IGF2BP1: variants seen among roughly 807,000 people sequenced by gnomAD.
IGF2BP1 encodes insulin like growth factor 2 mRNA binding protein 1.
IGF2BP1 carries 11 observed loss-of-function variants against 74.9 expected under a neutral mutation model. The observed-to-expected ratio is 0.15, with a 90% CI of 0.09 to 0.24. The LOEUF (loss-of-function observed/expected upper bound fraction) is 0.24, where lower values mean the gene tolerates loss of function less well. IGF2BP1 is among the 10% of genes least tolerant of loss of function. The pLI, the probability that IGF2BP1 is intolerant of heterozygous loss-of-function variation, is 1.00. For missense variants in IGF2BP1, 440 were observed against 757.4 expected (o/e 0.58, Z 4.92); for synonymous variants, 287 against 281.8 (o/e 1.02, Z -0.18).
At chr17:49,025,695 A>G in intron 3 of IGF2BP1, 29 bp downstream of exon 3, 1 of 1,595,604 alleles carries the variant, frequency 6.3e-7, no homozygotes, top group Non-Finnish European at 8.6e-7. Context: ...CTCTAAATGG[A>G]GTGGGATAGT....
rs2041454185 is a variant in IGF2BP1, at chr17:48,999,249, C to T, written c.236+80C>T. On this transcript the variant is annotated intron_variant, in intron 2 of 14. Coordinates refer to ENST00000290341, the MANE Select transcript of IGF2BP1 (RefSeq NM_006546.4). ...AGCTGTGTTCAGGGGTCCATAGCGTCTCCAGTGGAAGAAACCCATTACTGG... is the reference window on the plus strand; with the variant it reads ...AGCTGTGTTCAGGGGTCCATAGCGTTTCCAGTGGAAGAAACCCATTACTGG... 3.5e-6 allele frequency: 3 copies of T among 856,768 alleles called. No individual in the cohort carries two copies. The Admixed American group carries it at 6.1e-5, about 17-fold the overall frequency. The allele number at this position is 856,768 out of a possible 1,614,324, so 53.1% of individuals were successfully genotyped here.
chr17:49,009,255 C>T (rs1236332285), intron 2 of IGF2BP1, among the ~76,000 whole-genome samples: 3 of 151,946 alleles, frequency 2.0e-5, no homozygotes, highest in Non-Finnish European at 2.9e-5. Context: ...GTCTGAAGCA[C>T]CTGACTTCAG....
intron 2 of IGF2BP1, among the ~76,000 whole-genome samples, chr17:49,012,193 CCGT>C (rs2041627797): frequency 6.6e-6 from 1 of 152,192 alleles, no homozygotes; most frequent in Non-Finnish European, 1.5e-5. Flanking sequence ...GCATGAGCCA[CCGT>C]GCCCGGCCAG....
Position 49,026,663 on chromosome 17 carries a change from TCCTGCCTTCCTTCCTG to T in IGF2BP1, c.337+150_337+165del, listed in dbSNP as rs1401941073. 117 of 629,318 alleles carry T rather than the reference TCCTGCCTTCCTTCCTG, an allele frequency of 1.9e-4. 1 individual carries two copies. The highest frequency in any genetic ancestry group is 1.4e-3 in the African/African-American group (73 of 53,294). The allele number at this position is 629,318 out of a possible 1,614,324, so 39.0% of individuals were successfully genotyped here. ...TTCCTTCCTGCCTGCCTTCCTGCCT[TCCTGCCTTCCTTCCTG>T]CCTTCCTGCCTTCCTGCCTTCCTGC... On this transcript the variant is annotated intron_variant, in intron 4 of 14. Transcript: ENST00000290341.
Position 49,051,066 on chromosome 17 carries a change from GC to G in IGF2BP1, c.*1623del, listed in dbSNP as rs2042161661. ...TGGGCGTAGTCAGGCAATGCTGTGT[GC>G]GAAGTAAACTACCTCAAGGTATGAA... On this transcript the variant is annotated 3_prime_UTR_variant, in exon 15 of 15. Coordinates refer to ENST00000290341, the MANE Select transcript of IGF2BP1 (RefSeq NM_006546.4). The G allele has an allele frequency of 6.6e-6, 1 of 152,588 alleles. No individual in the cohort carries two copies. The highest frequency in any genetic ancestry group is 6.5e-5 in the Admixed American group (1 of 15,286). 9.5% of individuals were successfully genotyped at this position (152,588 alleles called of 1,614,324 possible).
intron 4 of IGF2BP1, 104 bp from the exon 5 acceptor site, chr17:49,031,806 C>A: frequency 9.7e-7 from 1 of 1,034,784 alleles, no homozygotes; most frequent in Admixed American, 1.8e-5. Context: ...TCTGGCCTGC[C>A]AGATGTCTTC....
Position 49,008,180 on chromosome 17 carries a change from A to AG in IGF2BP1, c.236+9011_236+9012insG, listed in dbSNP as rs976285058. ...AGAGTGAAATTCCATCTCAAAAAAAAAAAAAAAAGTAAATAAATTGAAGGG... is the reference window on the plus strand; with the variant it reads ...AGAGTGAAATTCCATCTCAAAAAAAAGAAAAAAAAGTAAATAAATTGAAGGG... On this transcript the variant is annotated intron_variant, in intron 2 of 14. Transcript: ENST00000290341. Among the ~76,000 whole-genome samples the AG allele has an allele frequency of 9.2e-5, 14 of 152,056 alleles. No homozygotes were observed. In the East Asian group the frequency reaches 2.7e-3, roughly 29 times the overall value.
At chr17:49,025,579 T>A (rs568271601) in intron 2 of IGF2BP1, 39 bp from the exon 3 acceptor site, 1 of 1,593,816 alleles carries the variant, frequency 6.3e-7, no homozygotes, top group African/African-American at 1.3e-5. Flanking sequence ...CCTAATGTAT[T>A]CAGAGCTTTC....
chr17:49,032,408 T>C (rs900779908), intron 5 of IGF2BP1, among the ~76,000 whole-genome samples: 2 of 152,080 alleles, frequency 1.3e-5, no homozygotes, highest in Non-Finnish European at 2.9e-5. Flanking sequence ...TGCTGGGACA[T>C]TTTATTGCAG....
intron 2 of IGF2BP1, among the ~76,000 whole-genome samples, chr17:49,011,461 T>C (rs2143964499): frequency 6.6e-6 from 1 of 152,328 alleles, no homozygotes; most frequent in Non-Finnish European, 1.5e-5. Flanking sequence ...GAAGGTATTA[T>C]CATCTTCATC....
chr17:49,045,414 C>T (rs967566231), intron 12 of IGF2BP1, among the ~76,000 whole-genome samples: 3 of 152,150 alleles, frequency 2.0e-5, no homozygotes, highest in Admixed American at 1.3e-4. Flanking sequence ...AACTTCTGAT[C>T]AGACAGCCAA....
intron 4 of IGF2BP1, among the ~76,000 whole-genome samples, chr17:49,028,782 A>G (rs1236870683): frequency 1.3e-5 from 2 of 152,102 alleles, no homozygotes; most frequent in Non-Finnish European, 2.9e-5. Context: ...CATTCTTTCT[A>G]CCTATCCCAT....
intron 2 of IGF2BP1, chr17:49,014,641 C>T: frequency 2.8e-6 from 1 of 357,460 alleles, no homozygotes; most frequent in Non-Finnish European, 3.9e-6. Flanking sequence ...AGCTGCAGCG[C>T]CTGTTTCCCA....
Position 49,050,530 on chromosome 17 carries a change from A to G in IGF2BP1, c.*1086A>G, listed in dbSNP as rs2042155682. 6.6e-6 allele frequency: 1 copy of G among 152,190 alleles called. No individual in the cohort carries two copies. Among genetic ancestry groups the G allele is most frequent in the Non-Finnish European group, 1.5e-5 (1 of 68,028 alleles). The allele number at this position is 152,190 out of a possible 1,614,324, so 9.4% of individuals were successfully genotyped here. On this transcript the variant is annotated 3_prime_UTR_variant, in exon 15 of 15. Coordinates refer to ENST00000290341, the MANE Select transcript of IGF2BP1 (RefSeq NM_006546.4). ...CAGGGGTTGTGGGGCACTCCCAGCCACGGCACTGTTACCTTGGTGGTGGGA... is the reference window on the plus strand; with the variant it reads ...CAGGGGTTGTGGGGCACTCCCAGCCGCGGCACTGTTACCTTGGTGGTGGGA...
chr17:49,024,148 C>G (rs2041825281), intron 2 of IGF2BP1, among the ~76,000 whole-genome samples: 1 of 128,144 alleles, frequency 7.8e-6, no homozygotes, highest in African/African-American at 3.0e-5. Flanking sequence ...CCAGGCTGGT[C>G]TCCAACTCCT....
At chr17:49,035,306 G>T (rs1211660458) in intron 5 of IGF2BP1, among the ~76,000 whole-genome samples, 2 of 152,196 alleles carry the variant, frequency 1.3e-5, no homozygotes, top group East Asian at 1.9e-4. Context: ...ATTCAAAATG[G>T]ATTACAGACC....
chr17:49,012,262 A>C (rs1255541641), intron 2 of IGF2BP1, among the ~76,000 whole-genome samples: 5 of 152,216 alleles, frequency 3.3e-5, no homozygotes, highest in East Asian at 1.9e-4. Context: ...TGGGCAGCTA[A>C]GATGAGAAAT....
At chr17:49,042,497 C>G (rs2042063205) in intron 9 of IGF2BP1, 120 bp downstream of exon 9, 9 of 1,024,186 alleles carry the variant, frequency 8.8e-6, no homozygotes, top group Non-Finnish European at 1.3e-5. Context: ...TTAGTTGATG[C>G]TTTTGGACTT....
intron 5 of IGF2BP1, among the ~76,000 whole-genome samples, chr17:49,033,997 T>G (rs2041953241): frequency 6.6e-6 from 1 of 151,846 alleles, no homozygotes; most frequent in African/African-American, 2.4e-5. Flanking sequence ...TTTAAAAATT[T>G]TTAATATTTA....
Sources: allele counts gnomAD v4.1 joint callset (sites outside exome capture counted in the v4.1 genomes callset), GRCh38; gene constraint gnomAD v4.1.1; transcripts MANE v1.5; gene names NCBI Gene and HGNC (gene_info 2026-07-23, HGNC 2026-07-21).